The following SGCD variants were observed in gnomAD, a reference collection of about 807,000 sequenced individuals.
SGCD encodes the protein delta-sarcoglycan.
SGCD carries 18 observed loss-of-function variants against 36.6 expected under a neutral mutation model. The ratio of observed to expected loss-of-function variants is 0.49; its 90% CI spans 0.34 to 0.73. The LOEUF is 0.73. SGCD is among the 30% of genes least tolerant of loss of function. SGCD has a pLI of 0.01. For synonymous variants in SGCD, 133 were observed against 130.6 expected (o/e 1.02, Z -0.12); for missense variants, 387 against 346.7 (o/e 1.12, Z -0.92).
chr5:155,957,957 G>A (rs1029135354), intron 1 of SGCD, among the ~76,000 whole-genome samples: 3 of 152,058 alleles, frequency 2.0e-5, no homozygotes, highest in African/African-American at 7.2e-5. Flanking sequence ...GTAGTCCTGG[G>A]AACTTGTGGA....
chr5:155,829,841 A>T, the SGCD span, among the ~76,000 whole-genome samples: 31 of 152,214 alleles, frequency 2.0e-4, 1 homozygote, highest in Non-Finnish European at 4.1e-4. Context: ...CAGGAAATGG[A>T]AAGTCTCAGG....
At chr5:155,788,345 A>C in the SGCD span, among the ~76,000 whole-genome samples, 1 of 152,200 alleles carries the variant, frequency 6.6e-6, no homozygotes, top group African/African-American at 2.4e-5. Flanking sequence ...AGAGACAGGA[A>C]GAATGACAGA....
chr5:155,797,704 A>C, the SGCD span, among the ~76,000 whole-genome samples: 1 of 152,192 alleles, frequency 6.6e-6, no homozygotes, highest in Admixed American at 6.5e-5. Flanking sequence ...AAGCTCTCAG[A>C]GCTTTTGTTT....
intron 3 of SGCD, among the ~76,000 whole-genome samples, chr5:156,217,524 T>C (rs944010842): frequency 3.3e-5 from 5 of 152,180 alleles, no homozygotes; most frequent in African/African-American, 9.7e-5. Context: ...TGGGATAACA[T>C]TGCAACAGAA....
chr5:156,389,155 T>G (rs1008502153), intron 3 of SGCD, among the ~76,000 whole-genome samples: 6 of 152,344 alleles, frequency 3.9e-5, no homozygotes, highest in Middle Eastern at 3.4e-3. Context: ...CTCTGCATTT[T>G]ATTCCCCTGG....
intron 4 of SGCD, among the ~76,000 whole-genome samples, chr5:156,539,877 T>G (rs1211595875): frequency 6.6e-6 from 1 of 151,674 alleles, no homozygotes; most frequent in Non-Finnish European, 1.5e-5. Flanking sequence ...CCATGGTCTT[T>G]GGAACCAGAT....
At chr5:156,566,291 G>A (rs1368271940) in intron 4 of SGCD, among the ~76,000 whole-genome samples, 1 of 152,070 alleles carries the variant, frequency 6.6e-6, no homozygotes, top group Admixed American at 6.6e-5. Flanking sequence ...TAAAGATATT[G>A]CCGGCATTTA....
At chr5:155,882,571 G>T (rs244984) in intron 1 of SGCD, among the ~76,000 whole-genome samples, 87,050 of 152,068 alleles carry the variant, frequency 0.57, 27,551 homozygotes, top group African/African-American at 0.85. Context: ...TCAGCAGGCA[G>T]GAAAACAACA....
intron 1 of SGCD, among the ~76,000 whole-genome samples, chr5:155,945,489 A>C (rs923968082): frequency 6.6e-6 from 1 of 152,188 alleles, no homozygotes; most frequent in Admixed American, 6.5e-5. Context: ...TCACACCAAC[A>C]TGCAACTACA....
intron 1 of SGCD, among the ~76,000 whole-genome samples, chr5:156,085,258 T>C (rs561268837): frequency 1.2e-4 from 19 of 152,240 alleles, no homozygotes; most frequent in African/African-American, 3.6e-4. Flanking sequence ...CCCCTCTAAA[T>C]CTCATGTTGA....
chr5:156,101,954 G>A (rs1212104068), intron 1 of SGCD, among the ~76,000 whole-genome samples: 1 of 151,360 alleles, frequency 6.6e-6, no homozygotes, highest in African/African-American at 2.4e-5. Flanking sequence ...GAGAGAGAGA[G>A]AGAGAGAGAG....
intron 1 of SGCD, among the ~76,000 whole-genome samples, chr5:155,943,467 A>G (rs1183605868): frequency 6.6e-6 from 1 of 152,190 alleles, no homozygotes; most frequent in African/African-American, 2.4e-5. Context: ...CGTACAAGAA[A>G]CTGTGCTTGA....
intron 4 of SGCD, among the ~76,000 whole-genome samples, chr5:156,524,699 G>C (rs187598692): frequency 6.6e-6 from 1 of 151,812 alleles, no homozygotes; most frequent in African/African-American, 2.4e-5. Context: ...ACTTATTCAC[G>C]TTATAAATGA....
intron 3 of SGCD, among the ~76,000 whole-genome samples, chr5:156,234,989 T>A (rs78340503): frequency 0.015 from 2,327 of 152,306 alleles, 26 homozygotes; most frequent in Non-Finnish European, 0.026. Flanking sequence ...ATTCTATCAG[T>A]GTATAACTCA....
At chr5:156,444,761 TGTATC>T in intron 3 of SGCD, among the ~76,000 whole-genome samples, 1 of 152,234 alleles carries the variant, frequency 6.6e-6, no homozygotes, top group Non-Finnish European at 1.5e-5. Flanking sequence ...AGCATGAAAA[TGTATC>T]TATCTATCCA....
chr5:156,007,001 A>G (rs1758771268), intron 1 of SGCD, among the ~76,000 whole-genome samples: 1 of 152,196 alleles, frequency 6.6e-6, no homozygotes, highest in Non-Finnish European at 1.5e-5. Flanking sequence ...AATACTTAGC[A>G]GATATATGCT....
chr5:156,417,243 T>C (rs2127774665), intron 3 of SGCD, among the ~76,000 whole-genome samples: 1 of 152,320 alleles, frequency 6.6e-6, no homozygotes, highest in East Asian at 1.9e-4. Context: ...TTGTTCCAAA[T>C]GCCACATGTA....
the SGCD span, among the ~76,000 whole-genome samples, chr5:155,846,540 C>T: frequency 6.6e-6 from 1 of 152,146 alleles, no homozygotes; most frequent in Non-Finnish European, 1.5e-5. Flanking sequence ...GGAAGGACTT[C>T]CCTTCACATT....
At chr5:156,621,210 G>A (rs1020480437) in intron 6 of SGCD, among the ~76,000 whole-genome samples, 1 of 152,034 alleles carries the variant, frequency 6.6e-6, no homozygotes, top group African/African-American at 2.4e-5. Flanking sequence ...TTCCCCCTTT[G>A]AGATAGAGTC....
Sources: allele counts gnomAD v4.1 joint callset (sites outside exome capture counted in the v4.1 genomes callset), GRCh38; gene constraint gnomAD v4.1.1; transcripts MANE v1.5; gene names NCBI Gene and HGNC (gene_info 2026-07-23, HGNC 2026-07-21).